BMPR1B: variants seen among roughly 807,000 people sequenced by gnomAD.
BMPR1B encodes bone morphogenetic protein receptor type 1B.
Under a neutral mutation model 59.1 loss-of-function variants are expected in BMPR1B, and 12 were observed. The ratio of observed to expected loss-of-function variants is 0.20; its 90% CI spans 0.13 to 0.33. The LOEUF (loss-of-function observed/expected upper bound fraction) is 0.33, where lower values mean the gene tolerates loss of function less well. BMPR1B is among the 10% of genes least tolerant of loss of function. BMPR1B has a pLI of 1.00. For synonymous variants in BMPR1B, 237 were observed against 207.3 expected, an observed-to-expected ratio of 1.14 and a Z score of -1.23; for missense variants, 550 against 610.9, an observed-to-expected ratio of 0.90 and a Z score of 1.05.
At chr4:94,818,868 A>G (rs987932012) in intron 1 of BMPR1B, among the ~76,000 whole-genome samples, 1 of 152,194 alleles carries the variant, frequency 6.6e-6, no homozygotes, top group South Asian at 2.1e-4. Context: ...GTGATGGCTC[A>G]TGCCTGTAAT....
At chr4:95,017,362 C>T (rs778873714) in intron 3 of BMPR1B, among the ~76,000 whole-genome samples, 3 of 152,238 alleles carry the variant, frequency 2.0e-5, no homozygotes, top group Admixed American at 6.5e-5. Context: ...AGCCACTACC[C>T]TGTTCTCTCC....
intron 6 of BMPR1B, among the ~76,000 whole-genome samples, chr4:95,121,350 A>G (rs1249901014): frequency 2.6e-5 from 4 of 152,190 alleles, no homozygotes; most frequent in African/African-American, 9.6e-5. Flanking sequence ...GTTCATGATA[A>G]TTTCCTAGAT....
intron 1 of BMPR1B, among the ~76,000 whole-genome samples, chr4:94,799,049 T>C (rs1723298644): frequency 6.6e-6 from 1 of 151,514 alleles, no homozygotes; most frequent in African/African-American, 2.4e-5. Flanking sequence ...GTTTCTTGGA[T>C]AACCCCCATA....
At chr4:94,764,845 T>C (rs1721910535) in intron 1 of BMPR1B, among the ~76,000 whole-genome samples, 1 of 152,188 alleles carries the variant, frequency 6.6e-6, no homozygotes, top group Non-Finnish European at 1.5e-5. Flanking sequence ...GACCAGGCAC[T>C]GTACTAGGCA....
chr4:94,868,138 C>T (rs942671011), intron 1 of BMPR1B, among the ~76,000 whole-genome samples: 1 of 151,756 alleles, frequency 6.6e-6, no homozygotes, highest in Admixed American at 6.6e-5. Context: ...GCTGGGATTA[C>T]AGGTGCGAGC....
In BMPR1B at chr4:95,154,631, A is replaced by G. The variant is rs146773802; in HGVS notation, c.1467A>G (p.Lys489=). 9 of 1,613,994 alleles carry G rather than the reference A, an allele frequency of 5.6e-6. No homozygotes were observed. Among genetic ancestry groups the G allele is most frequent in the Non-Finnish European group, 7.6e-6 (9 of 1,179,992 alleles). ...GGCTGACAGCCCTGCGGGTTAAGAA[A>G]ACACTTGCCAAAATGTCAGAGTCCC... ...ASRLTALRVK[K]TLAKMSESQD... Residue 489 remains lysine, a synonymous_variant, in exon 13 of 13, where the codon AAA becomes AAG. Transcript: ENST00000515059.
At chr4:94,959,070 T>C (rs888095774) in intron 2 of BMPR1B, among the ~76,000 whole-genome samples, 14 of 152,042 alleles carry the variant, frequency 9.2e-5, no homozygotes, top group Non-Finnish European at 1.8e-4. Context: ...GAGACCAGAT[T>C]TTAGGGTTGC....
intron 10 of BMPR1B, among the ~76,000 whole-genome samples, chr4:95,136,904 A>G (rs1449733796): frequency 6.6e-6 from 1 of 150,888 alleles, no homozygotes; most frequent in Non-Finnish European, 1.5e-5. Context: ...TTGTGTCTCT[A>G]CCTCCTTCAG....
intron 2 of BMPR1B, among the ~76,000 whole-genome samples, chr4:94,937,925 T>C (rs1560556780): frequency 6.6e-6 from 1 of 152,196 alleles, no homozygotes; most frequent in Non-Finnish European, 1.5e-5. Context: ...CATATGCTTA[T>C]TTTACCTATC....
At chr4:94,776,815 A>G (rs1722387361) in intron 1 of BMPR1B, among the ~76,000 whole-genome samples, 1 of 152,210 alleles carries the variant, frequency 6.6e-6, no homozygotes, top group Admixed American at 6.5e-5. Flanking sequence ...AAAATACAGG[A>G]AAAGGCCAGA....
At chr4:94,789,653 GC>G (rs2110599621) in intron 1 of BMPR1B, among the ~76,000 whole-genome samples, 1 of 152,252 alleles carries the variant, frequency 6.6e-6, no homozygotes, top group Non-Finnish European at 1.5e-5. Context: ...AGCAAGAAAT[GC>G]CCATTAAACT....
At chr4:94,990,664 C>T (rs761817890) in intron 2 of BMPR1B, among the ~76,000 whole-genome samples, 25 of 143,926 alleles carry the variant, frequency 1.7e-4, no homozygotes, top group Non-Finnish European at 3.4e-4. Flanking sequence ...AACCTCTATG[C>T]TGGAATGAGG....
chr4:95,026,111 T>C (rs7691000), intron 3 of BMPR1B, among the ~76,000 whole-genome samples: 1,140 of 65,316 alleles, frequency 0.017, 11 homozygotes, highest in Middle Eastern at 0.059. Context: ...TCTTTCTTTC[T>C]TTCTTTCTTT....
intron 3 of BMPR1B, among the ~76,000 whole-genome samples, chr4:95,062,733 T>A (rs186612792): frequency 2.0e-5 from 3 of 152,174 alleles, no homozygotes; most frequent in Non-Finnish European, 4.4e-5. Context: ...TGTACTTGGA[T>A]CCTCTAGATT....
chr4:94,945,353 T>C (rs1383654898), intron 2 of BMPR1B, among the ~76,000 whole-genome samples: 1 of 152,226 alleles, frequency 6.6e-6, no homozygotes, highest in African/African-American at 2.4e-5. Flanking sequence ...ATAGAGTTAA[T>C]AATCTAATAT....
intron 2 of BMPR1B, among the ~76,000 whole-genome samples, chr4:94,960,258 T>G (rs1730302226): frequency 6.6e-6 from 1 of 152,212 alleles, no homozygotes; most frequent in South Asian, 2.1e-4. Context: ...TTGGTACAGC[T>G]GTAGTATTAA....
chr4:94,888,743 T>G (rs192780095), intron 2 of BMPR1B, among the ~76,000 whole-genome samples: 20 of 152,188 alleles, frequency 1.3e-4, no homozygotes, highest in Non-Finnish European at 2.5e-4. Context: ...AACCTGACTT[T>G]TCTAGGCTAG....
rs1234833134 is a variant in BMPR1B at position 94,863,010 on chromosome 4, T to TGA, written c.-182-12817_-182-12816dup. Among the ~76,000 whole-genome samples, 17 of 144,000 alleles carry TGA rather than the reference T, an allele frequency of 1.2e-4. No homozygotes were observed. The Admixed American group carries it at 1.2e-3, about 10-fold the overall frequency. The allele number at this position is 144,000 out of a possible 152,430, so 94.5% of individuals were successfully genotyped here. A position where few individuals can be genotyped will look rare whatever the true frequency, so the allele number is the denominator to read the frequency against. On this transcript the variant is annotated intron_variant, in intron 1 of 12. Transcript: ENST00000515059. ...GTGGGCGCCTGTAATCCCAGGTACT[T>TGA]GAGAGGCTGAGGCGGAAGAATCGCT...
At chr4:94,950,978 C>T (rs1413641619) in intron 2 of BMPR1B, among the ~76,000 whole-genome samples, 1 of 152,136 alleles carries the variant, frequency 6.6e-6, no homozygotes, top group Non-Finnish European at 1.5e-5. Context: ...TTGTAGTTCT[C>T]CTTGAAGGGG....
Sources: allele counts gnomAD v4.1 joint callset (sites outside exome capture counted in the v4.1 genomes callset), GRCh38; gene constraint gnomAD v4.1.1; transcripts MANE v1.5; gene names NCBI Gene and HGNC (gene_info 2026-07-23, HGNC 2026-07-21).